PCLO: variants seen among roughly 807,000 people sequenced by gnomAD.
The protein encoded by PCLO is protein piccolo.
A neutral mutation model predicts 427.5 loss-of-function variants in PCLO; 82 were observed. That is an observed-to-expected ratio of 0.19 (90% confidence interval 0.16 to 0.23). The LOEUF (loss-of-function observed/expected upper bound fraction) is 0.23, where lower values mean the gene tolerates loss of function less well. Ranked by LOEUF, PCLO falls within the 10% of genes least tolerant of loss-of-function variation. The probability of loss-of-function intolerance (pLI) is 1.00; values close to 1 mark genes in which losing one functional copy is unlikely to be tolerated. For missense variants in PCLO, 6,239 were observed against 6,115.9 expected, an observed-to-expected ratio of 1.02 and a Z score of -0.67; for synonymous variants, 2,357 against 2,155.4, an observed-to-expected ratio of 1.09 and a Z score of -2.59.
intron 10 of PCLO, among the ~76,000 whole-genome samples, chr7:82,872,763 T>G (rs1456468373): frequency 6.6e-6 from 1 of 152,060 alleles, no homozygotes. Flanking sequence ...TAAATCAAAC[T>G]GCAGCGGAGA....
chr7:83,002,642 G>C (rs929851124), intron 3 of PCLO, among the ~76,000 whole-genome samples: 7 of 151,596 alleles, frequency 4.6e-5, no homozygotes, highest in Non-Finnish European at 7.4e-5. Context: ...GCATTAAAAT[G>C]CAACAATAGA....
Position 82,965,975 on chromosome 7 carries a change from A to G in PCLO, c.3813T>C (p.Ile1271=), listed in dbSNP as rs1356283062. ...KHDLLKSQVQ[I]AEEKLEGRVA... ...CTCTGCCTTCAAGCTTTTCTTCAGC[A>G]ATTTGTACTTGAGATTTAAGTAAGT... Residue 1271 remains isoleucine (I), a synonymous_variant, in exon 4 of 25, where the codon ATT becomes ATC. Transcript: ENST00000333891. 6.2e-7 allele frequency: 1 copy of G among 1,613,794 alleles called. No homozygotes were observed. The highest frequency in any genetic ancestry group is 8.5e-7 in the Non-Finnish European group (1 of 1,179,866).
intron 3 of PCLO, among the ~76,000 whole-genome samples, chr7:83,043,578 T>C (rs1196477278): frequency 6.6e-6 from 1 of 152,190 alleles, no homozygotes; most frequent in Admixed American, 6.5e-5. Context: ...CTTACATAAG[T>C]GTGGAAGTGG....
At chr7:83,062,667 G>A (rs1789569622) in intron 3 of PCLO, among the ~76,000 whole-genome samples, 1 of 152,094 alleles carries the variant, frequency 6.6e-6, no homozygotes, top group Non-Finnish European at 1.5e-5. Flanking sequence ...AACATCAACT[G>A]TCTTAAATTC....
At chr7:83,089,384 A>G (rs1025695756) in intron 3 of PCLO, among the ~76,000 whole-genome samples, 6 of 152,070 alleles carry the variant, frequency 3.9e-5, no homozygotes, top group Non-Finnish European at 7.3e-5. Context: ...TCTAGAACAT[A>G]CAGTGTTCCC....
At chr7:82,944,244 T>A (rs1352851602) in intron 6 of PCLO, among the ~76,000 whole-genome samples, 1 of 151,832 alleles carries the variant, frequency 6.6e-6, no homozygotes, top group Non-Finnish European at 1.5e-5. Context: ...TATTTTTTGT[T>A]TCATGTGGGA....
In PCLO at chr7:82,915,358, T is replaced by C. The variant is rs765350469; in HGVS notation, c.12628A>G (p.Arg4210Gly). ...MSKFSPIQES[R>G]DLEPDYSSYM... is the part of the protein sequence containing the mutation. ...CTTGAATAATCAGGTTCAAGGTCTC[T>C]ACTTTCTTGAATAGGTGAAAATTTT... The change falls in exon 7 of 25, where the codon AGA becomes GGA. Residue 4210 changes from arginine to glycine, a missense_variant. Transcript: ENST00000333891. 24 of 1,613,368 alleles carry C rather than the reference T, an allele frequency of 1.5e-5. No homozygotes were observed. The highest frequency in any genetic ancestry group is 1.9e-5 in the Non-Finnish European group (23 of 1,179,636).
chr7:82,840,797 T>C lies in PCLO; in HGVS notation c.14097+662A>G, dbSNP rs527796881. On this transcript the variant is annotated intron_variant, in intron 14 of 24. Transcript: ENST00000333891. ...TCAATTAGTTACTATTTTATAGTGT[T>C]AATTCTTTCTATATGCTATTTCTTA... is the stretch of plus-strand genomic sequence containing the variant. Among the ~76,000 whole-genome samples, 5 of 152,168 alleles carry C rather than the reference T, an allele frequency of 3.3e-5. No homozygotes were observed. In the East Asian group the frequency reaches 9.6e-4, roughly 29 times the overall value.
At position 83,162,500 on chromosome 7, in the gene PCLO, G is replaced by T; in HGVS notation, c.93C>A (p.Ser31Arg). Residue 31 changes from serine to arginine, a missense_variant, in exon 1 of 25, where the codon AGC (serine) becomes AGA (arginine). By Grantham distance (110) the Ser-to-Arg change is moderately radical. This residue lies in a region of PCLO where 4,677 missense variants were observed against 4,468.4 expected (regional missense o/e 1.05). Transcript: ENST00000333891. The part of the protein sequence containing the change: ...AAGGGASGAG[S>R]PSHTAIPAGM... Reference sequence around the variant, plus strand: ...CGGCCGGGATCGCGGTGTGAGAGGGGCTCCCCGCCCCGCTAGCTCCTCCTC... The same window carrying T: ...CGGCCGGGATCGCGGTGTGAGAGGGTCTCCCCGCCCCGCTAGCTCCTCCTC... The T allele has an allele frequency of 6.4e-7, 1 of 1,567,830 alleles. No individual in the cohort carries two copies. Among genetic ancestry groups the T allele is most frequent in the African/African-American group, 1.4e-5 (1 of 73,796 alleles).
At chr7:83,090,101 G>C (rs1790340849) in intron 3 of PCLO, among the ~76,000 whole-genome samples, 1 of 152,016 alleles carries the variant, frequency 6.6e-6, no homozygotes, top group Non-Finnish European at 1.5e-5. Flanking sequence ...TCAAGAGATC[G>C]AGACCATCCT....
intron 9 of PCLO, among the ~76,000 whole-genome samples, chr7:82,883,367 G>A (rs1304425744): frequency 6.6e-6 from 1 of 152,022 alleles, no homozygotes; most frequent in African/African-American, 2.4e-5. Context: ...ACTTATCTCT[G>A]TGTTACAAAT....
chr7:82,948,291 T>TTA (rs1795249903), intron 6 of PCLO, among the ~76,000 whole-genome samples: 1 of 125,290 alleles, frequency 8.0e-6, no homozygotes, highest in African/African-American at 2.7e-5. Context: ...TATACTACTT[T>TTA]GAGAAAAAAA....
chr7:82,926,224 A>C (rs189607234), intron 6 of PCLO, among the ~76,000 whole-genome samples: 1 of 152,284 alleles, frequency 6.6e-6, no homozygotes, highest in Non-Finnish European at 1.5e-5. Flanking sequence ...ATAGTTTAAT[A>C]ATTGTTTCTA....
At chr7:82,967,730 T>C (rs1795811499) in intron 3 of PCLO, among the ~76,000 whole-genome samples, 2 of 152,190 alleles carry the variant, frequency 1.3e-5, no homozygotes, top group South Asian at 4.1e-4. Flanking sequence ...TATGTTAGAA[T>C]AATACTATTA....
intron 3 of PCLO, among the ~76,000 whole-genome samples, chr7:83,033,808 GT>G (rs1332607574): frequency 6.6e-6 from 1 of 151,966 alleles, no homozygotes; most frequent in Non-Finnish European, 1.5e-5. Context: ...TGGTAGACAT[GT>G]TTCTCACCAC....
rs763582357 is a variant in PCLO, at chr7:82,824,396, G to T, written c.14436C>A (p.Ser4812Arg). ...TTGGAGTGTTATCGAGGTGAGATGT[G>T]CTAGATAAATCAATCAATACCTGAA... ...FLGEVLIDLS[S>R]TSHLDNTPRW... is the part of the protein sequence containing the mutation. The change falls in exon 19 of 25, where the codon AGC becomes AGA. Residue 4812 changes from serine to arginine, a missense_variant. By Grantham distance (110) the Ser-to-Arg change is moderately radical (BLOSUM62 -1). Coordinates refer to ENST00000333891, the MANE Select transcript of PCLO (RefSeq NM_033026.6). 5 of 1,601,734 alleles carry T rather than the reference G, an allele frequency of 3.1e-6. No individual in the cohort carries two copies. The highest frequency in any genetic ancestry group is 4.3e-6 in the Non-Finnish European group (5 of 1,172,940).
rs180701335 is a variant in PCLO at position 82,786,665 on chromosome 7, C to T, written c.15007+14853G>A. Among the ~76,000 whole-genome samples, 123 of 152,178 alleles carry T rather than the reference C, an allele frequency of 8.1e-4. 1 individual carries two copies. The highest frequency in any genetic ancestry group is 6.8e-3 in the Middle Eastern group (2 of 294). On this transcript the variant is annotated intron_variant, in intron 22 of 24. Transcript: ENST00000333891. Reference sequence around the variant, plus strand: ...CATGCAGGTTTGTTATAGGTATACACGTGCCATGGTGGTTTGCTGCACTCA... The same window carrying T: ...CATGCAGGTTTGTTATAGGTATACATGTGCCATGGTGGTTTGCTGCACTCA...
chr7:83,004,892 C>A (rs1787910358), intron 3 of PCLO, among the ~76,000 whole-genome samples: 1 of 151,352 alleles, frequency 6.6e-6, no homozygotes. Flanking sequence ...TATTATAAGT[C>A]ATACAAGTAA....
At chr7:83,152,274 T>G (rs937829059) in intron 2 of PCLO, among the ~76,000 whole-genome samples, 1 of 152,316 alleles carries the variant, frequency 6.6e-6, no homozygotes, top group Non-Finnish European at 1.5e-5. Context: ...CAAAGTTACT[T>G]TTTATAGAAA....
Sources: gnomAD v4.1 joint callset for allele counts (sites outside exome capture counted in the v4.1 genomes callset) on GRCh38, gnomAD v4.1.1 for gene constraint, gnomAD v4.1.1 regional missense constraint, MANE v1.5 for transcripts, NCBI Gene and HGNC (gene_info 2026-07-23, HGNC 2026-07-21) for gene names.